The following TRIM9 variants were observed in gnomAD, a reference collection of about 807,000 sequenced individuals.
TRIM9 encodes the protein E3 ubiquitin-protein ligase TRIM9.
A neutral mutation model predicts 78.3 loss-of-function variants in TRIM9; 26 were observed. That is an observed-to-expected ratio of 0.33 (90% CI 0.24 to 0.46). The LOEUF (loss-of-function observed/expected upper bound fraction) is 0.46. Among genes scored for constraint, TRIM9 ranks in the 20% least tolerant of loss-of-function variants. The probability of loss-of-function intolerance (pLI) is 1.00; values close to 1 mark genes in which losing one functional copy is unlikely to be tolerated. For missense variants in TRIM9, 787 were observed against 1,036.4 expected (o/e 0.76, Z 3.30); for synonymous variants, 398 against 416.5 (o/e 0.96, Z 0.54).
chr14:51,046,006 C>T (rs2059922050), intron 1 of TRIM9, among the ~76,000 whole-genome samples: 3 of 151,794 alleles, frequency 2.0e-5, no homozygotes, highest in Non-Finnish European at 2.9e-5. Context: ...CACACATTGA[C>T]GTAATGTATA....
At chr14:51,011,970 T>C (rs956270021) in intron 3 of TRIM9, among the ~76,000 whole-genome samples, 4 of 152,242 alleles carry the variant, frequency 2.6e-5, no homozygotes, top group Admixed American at 6.5e-5. Flanking sequence ...TAATCATTCC[T>C]GTTCTCTTAT....
chr14:50,981,671 G>T lies in TRIM9; in HGVS notation c.2162+129C>A, dbSNP rs1232815404. 8.5e-6 allele frequency: 10 copies of T among 1,180,248 alleles called. No individual in the cohort carries two copies. The East Asian group carries it at 1.6e-4, about 19-fold the overall frequency. 73.1% of individuals were successfully genotyped at this position (1,180,248 alleles called of 1,614,324 possible). A position where few individuals can be genotyped will look rare whatever the true frequency, so the allele number is the denominator to read the frequency against. On this transcript the variant is annotated intron_variant, in intron 11 of 12. Transcript: ENST00000684578. Reference sequence around the variant, plus strand: ...CTCAGCTGAGGCTCATAGATTGCCTGTGCTACTTAATGTAGACCACCTGTT... The same window carrying T: ...CTCAGCTGAGGCTCATAGATTGCCTTTGCTACTTAATGTAGACCACCTGTT...
intron 6 of TRIM9, among the ~76,000 whole-genome samples, chr14:50,998,420 G>T (rs755052448): frequency 3.1e-4 from 47 of 152,166 alleles, no homozygotes; most frequent in Non-Finnish European, 6.3e-4. Flanking sequence ...ACTTAATGTT[G>T]TATATGCAGA....
At chr14:50,999,022 C>T (rs1308641089) in intron 6 of TRIM9, among the ~76,000 whole-genome samples, 1 of 152,200 alleles carries the variant, frequency 6.6e-6, no homozygotes, top group Non-Finnish European at 1.5e-5. Context: ...TATGTCCTCT[C>T]ATTCAGTGCT....
At chr14:50,995,194 T>C (rs1433009622) in intron 7 of TRIM9, among the ~76,000 whole-genome samples, 1 of 152,214 alleles carries the variant, frequency 6.6e-6, no homozygotes. Context: ...TAATTTCCAT[T>C]GAATTTAATT....
Position 51,094,780 on chromosome 14 carries a change from C to T in TRIM9, c.160G>A (p.Gly54Ser). 1 of 1,529,366 alleles carries T rather than the reference C, an allele frequency of 6.5e-7. No individual in the cohort carries two copies. Among genetic ancestry groups the T allele is most frequent in the South Asian group, 1.3e-5 (1 of 76,884 alleles). The allele number at this position is 1,529,366 out of a possible 1,614,324, so 94.7% of individuals were successfully genotyped here. Residue 54 changes from glycine to serine, a missense_variant, in exon 1 of 13, where the codon GGC (glycine) becomes AGC (serine). Transcript: ENST00000684578. The part of the protein sequence containing the change: ...SESPQSHRAA[G>S]SGVSDYDYLD... Reference sequence around the variant, plus strand: ...TAGTCATAGTCGGAGACCCCGGAGCCCGCGGCCCGATGGCTCTGGGGGGAT... The same window carrying T: ...TAGTCATAGTCGGAGACCCCGGAGCTCGCGGCCCGATGGCTCTGGGGGGAT...
intron 1 of TRIM9, among the ~76,000 whole-genome samples, chr14:51,048,308 G>C (rs1291254430): frequency 6.6e-6 from 1 of 152,208 alleles, no homozygotes; most frequent in Non-Finnish European, 1.5e-5. Context: ...GATCAGTCCT[G>C]ACAGTTCTCA....
intron 1 of TRIM9, among the ~76,000 whole-genome samples, chr14:51,048,631 C>G (rs537507095): frequency 1.8e-4 from 28 of 151,666 alleles, no homozygotes; most frequent in African/African-American, 6.8e-4. Context: ...TCTAGGGTGT[C>G]GTGTAATCAA....
At chr14:51,000,091 G>T (rs947301883) in intron 6 of TRIM9, among the ~76,000 whole-genome samples, 12 of 152,178 alleles carry the variant, frequency 7.9e-5, no homozygotes, top group African/African-American at 2.9e-4. Flanking sequence ...TGCTAGAAAG[G>T]TTGCTTAGAA....
intron 4 of TRIM9, among the ~76,000 whole-genome samples, chr14:51,009,848 C>CA (rs1231981280): frequency 2.0e-5 from 3 of 152,104 alleles, no homozygotes; most frequent in African/African-American, 7.2e-5. Context: ...TCATTGGGAT[C>CA]AAAGCTTAAG....
At chr14:50,979,706 C>T (rs757528446) in intron 11 of TRIM9, among the ~76,000 whole-genome samples, 157 bp from the exon 12 acceptor site, 1 of 152,094 alleles carries the variant, frequency 6.6e-6, no homozygotes, top group African/African-American at 2.4e-5. Context: ...ATTTTAATAC[C>T]GCAGATATAC....
intron 2 of TRIM9, among the ~76,000 whole-genome samples, chr14:51,023,932 TA>T (rs2057992981): frequency 6.6e-6 from 1 of 152,240 alleles, no homozygotes; most frequent in South Asian, 2.1e-4. Flanking sequence ...ACCAAAGTCA[TA>T]AAGAACTGTG....
intron 3 of TRIM9, among the ~76,000 whole-genome samples, chr14:51,016,972 T>C (rs941892354): frequency 6.6e-6 from 1 of 152,182 alleles, no homozygotes; most frequent in Non-Finnish European, 1.5e-5. Flanking sequence ...GGAGGGAGTT[T>C]CTATGTGTCC....
At chr14:51,075,388 G>C (rs2062679587) in intron 1 of TRIM9, among the ~76,000 whole-genome samples, 1 of 152,066 alleles carries the variant, frequency 6.6e-6, no homozygotes, top group Non-Finnish European at 1.5e-5. Flanking sequence ...TTTAAAGCCT[G>C]TTAGTAACTC....
intron 5 of TRIM9, among the ~76,000 whole-genome samples, chr14:51,006,011 T>TCAACAA (rs71121619): frequency 2.6e-5 from 4 of 152,118 alleles, no homozygotes; most frequent in Non-Finnish European, 5.9e-5. Flanking sequence ...TTCTTTTTTA[T>TCAACAA]CAACAACAAC....
In TRIM9 at chr14:50,979,621, G is replaced by A. The variant is rs1013118305; in HGVS notation, c.2163-72C>T. 11 of 1,302,288 alleles carry A rather than the reference G, an allele frequency of 8.4e-6. No homozygotes were observed. In the South Asian group the frequency reaches 1.2e-4, roughly 14 times the overall value. 80.7% of individuals were successfully genotyped at this position (1,302,288 alleles called of 1,614,324 possible). A position where few individuals can be genotyped will look rare whatever the true frequency, so the allele number is the denominator to read the frequency against. ...TAGAAGCTCCCCCCTTTTGTGTGGTGAAACCAGTGTCTTGCAACCTGTTTA... is the reference window on the plus strand; with the variant it reads ...TAGAAGCTCCCCCCTTTTGTGTGGTAAAACCAGTGTCTTGCAACCTGTTTA... On this transcript the variant is annotated intron_variant, in intron 11 of 12. Transcript: ENST00000684578.
At chr14:51,012,017 CTCAT>C (rs1423421717) in intron 3 of TRIM9, among the ~76,000 whole-genome samples, 15 of 152,322 alleles carry the variant, frequency 9.8e-5, no homozygotes, top group Non-Finnish European at 1.8e-4. Flanking sequence ...ATTTTGACAA[CTCAT>C]TCATTCATTA....
intron 6 of TRIM9, among the ~76,000 whole-genome samples, chr14:50,998,411 C>T (rs1401116695): frequency 6.6e-6 from 1 of 152,130 alleles, no homozygotes; most frequent in Non-Finnish European, 1.5e-5. Context: ...GTGAGGATTA[C>T]TTAATGTTGT....
At chr14:51,076,105 T>A (rs1343068756) in intron 1 of TRIM9, among the ~76,000 whole-genome samples, 2 of 152,222 alleles carry the variant, frequency 1.3e-5, no homozygotes, top group African/African-American at 4.8e-5. Flanking sequence ...ATCTCATTGA[T>A]CCTGCTCTAT....
Sources: gnomAD v4.1 joint callset for allele counts (sites outside exome capture counted in the v4.1 genomes callset) on GRCh38, gnomAD v4.1.1 for gene constraint, MANE v1.5 for transcripts, NCBI Gene and HGNC (gene_info 2026-07-23, HGNC 2026-07-21) for gene names.